LCLAT1: variants seen among roughly 807,000 people sequenced by gnomAD.
LCLAT1 encodes 1-AGP acyltransferase 8.
A neutral mutation model predicts 30.7 loss-of-function variants in LCLAT1; 11 were observed. The observed-to-expected ratio is 0.36, with a 90% CI of 0.23 to 0.59. The LOEUF (loss-of-function observed/expected upper bound fraction) is 0.59, where lower values mean the gene tolerates loss of function less well. Ranked by LOEUF, LCLAT1 falls within the 20% of genes least tolerant of loss-of-function variation. LCLAT1 has a pLI of 0.77. For missense variants in LCLAT1, 402 were observed against 458.6 expected (o/e 0.88, Z 1.13); for synonymous variants, 155 against 151.3 (o/e 1.02, Z -0.18).
intron 3 of LCLAT1, among the ~76,000 whole-genome samples, chr2:30,543,610 G>C (rs1378740398): frequency 6.6e-6 from 1 of 152,022 alleles, no homozygotes; most frequent in Non-Finnish European, 1.5e-5. Flanking sequence ...TTTTTGAGTT[G>C]ATATTGAATT....
intron 5 of LCLAT1, among the ~76,000 whole-genome samples, chr2:30,635,197 G>C (rs1668963607): frequency 6.6e-6 from 1 of 151,786 alleles, no homozygotes; most frequent in African/African-American, 2.4e-5. Flanking sequence ...TTCAAGACCA[G>C]TCTGAGTGAC....
intron 1 of LCLAT1, among the ~76,000 whole-genome samples, chr2:30,478,064 AGG>A: frequency 7.1e-6 from 1 of 141,570 alleles, no homozygotes. Flanking sequence ...AGTGTTAGTG[AGG>A]GATTAAAAAA....
intron 1 of LCLAT1, among the ~76,000 whole-genome samples, chr2:30,475,406 T>A (rs1682997785): frequency 6.6e-6 from 1 of 152,174 alleles, no homozygotes; most frequent in Non-Finnish European, 1.5e-5. Context: ...TAATCTGGTA[T>A]TATATGCTTT....
At chr2:30,532,131 T>G (rs1291394310) in intron 2 of LCLAT1, among the ~76,000 whole-genome samples, 1 of 152,198 alleles carries the variant, frequency 6.6e-6, no homozygotes, top group Non-Finnish European at 1.5e-5. Context: ...TGTATATATT[T>G]TTGTTTGTTT....
At chr2:30,636,502 A>C (rs550700463) in intron 5 of LCLAT1, among the ~76,000 whole-genome samples, 4 of 152,318 alleles carry the variant, frequency 2.6e-5, no homozygotes, top group African/African-American at 9.6e-5. Flanking sequence ...GATATTGAGT[A>C]ACTCAGCAAG....
chr2:30,593,879 C>T lies in LCLAT1; in HGVS notation c.628+25703C>T, dbSNP rs1171175003. 4.1e-5 allele frequency among the ~76,000 whole-genome samples: 6 copies of T among 147,662 alleles called. No individual in the cohort carries two copies. In the Admixed American group the frequency reaches 4.1e-4, roughly 10 times the overall value. On this transcript the variant is annotated intron_variant, in intron 5 of 5. Coordinates refer to ENST00000379509, the MANE Select transcript of LCLAT1 (RefSeq NM_001002257.3). Reference sequence around the variant, plus strand: ...TGGAGGCTGCAGTGAGCTGTGATTGCACCACTGCATTCCACCTCGAGCAAC... The same window carrying T: ...TGGAGGCTGCAGTGAGCTGTGATTGTACCACTGCATTCCACCTCGAGCAAC...
intron 1 of LCLAT1, among the ~76,000 whole-genome samples, chr2:30,465,216 C>G (rs1682359844): frequency 6.6e-6 from 1 of 152,078 alleles, no homozygotes; most frequent in South Asian, 2.1e-4. Context: ...GTATGTTTAT[C>G]AAAGTGAGGC....
chr2:30,530,788 C>T lies in LCLAT1; in HGVS notation c.166-2328C>T, dbSNP rs1325294082. On this transcript the variant is annotated intron_variant, in intron 2 of 5. Transcript: ENST00000379509. ...CAAACTCCTGGCTTCAAGCGATCTT[C>T]CTGCCTTAGCCTCCCAAAGTGCTGG... Among the ~76,000 whole-genome samples the T allele has an allele frequency of 2.6e-5, 4 of 152,270 alleles. No individual in the cohort carries two copies. The East Asian group carries it at 7.7e-4, about 29-fold the overall frequency.
intron 5 of LCLAT1, among the ~76,000 whole-genome samples, chr2:30,584,553 C>A (rs1447984679): frequency 6.6e-6 from 1 of 152,178 alleles, no homozygotes; most frequent in African/African-American, 2.4e-5. Context: ...TATGGCCACA[C>A]TCTGACAATA....
chr2:30,486,804 G>A (rs1683580316), intron 1 of LCLAT1, among the ~76,000 whole-genome samples: 1 of 152,170 alleles, frequency 6.6e-6, no homozygotes, highest in South Asian at 2.1e-4. Context: ...GAGCCACAGT[G>A]CAAGCAGCCT....
In LCLAT1 at chr2:30,560,777, G is replaced by A. The variant is rs578181861; in HGVS notation, c.365-1369G>A. ...AAGGAACTGCCAGCTGAAATAATAA[G>A]AGTTTATTATTCCTCTATTCCTGCA... On this transcript the variant is annotated intron_variant, in intron 3 of 5. Coordinates refer to ENST00000379509, the MANE Select transcript of LCLAT1 (RefSeq NM_001002257.3). Among the ~76,000 whole-genome samples the A allele has an allele frequency of 2.6e-4, 40 of 152,340 alleles. 1 individual carries two copies. The highest frequency in any genetic ancestry group is 9.4e-4 in the African/African-American group (39 of 41,588).
At chr2:30,531,907 G>A (rs560991510) in intron 2 of LCLAT1, among the ~76,000 whole-genome samples, 7 of 152,164 alleles carry the variant, frequency 4.6e-5, no homozygotes, top group East Asian at 1.9e-4. Context: ...AAAATTTTGC[G>A]TGTAACTGTC....
At chr2:30,522,393 G>T (rs1685520535) in intron 1 of LCLAT1, among the ~76,000 whole-genome samples, 1 of 151,618 alleles carries the variant, frequency 6.6e-6, no homozygotes. Flanking sequence ...TTTTTTTTTA[G>T]CTATTCCAAA....
intron 1 of LCLAT1, among the ~76,000 whole-genome samples, chr2:30,513,462 G>C (rs1054657476): frequency 2.0e-5 from 3 of 152,112 alleles, no homozygotes; most frequent in African/African-American, 7.2e-5. Context: ...GTGGTTTTGT[G>C]TGTACTTTAT....
At chr2:30,622,107 T>C (rs1049644031) in intron 5 of LCLAT1, among the ~76,000 whole-genome samples, 1 of 152,138 alleles carries the variant, frequency 6.6e-6, no homozygotes, top group Non-Finnish European at 1.5e-5. Context: ...GACCAGCCTT[T>C]CAGGCTGCAT....
At chr2:30,624,276 A>C (rs1668402729) in intron 5 of LCLAT1, among the ~76,000 whole-genome samples, 1 of 152,216 alleles carries the variant, frequency 6.6e-6, no homozygotes, top group Non-Finnish European at 1.5e-5. Flanking sequence ...CTCAGTACTA[A>C]CATTGAATGT....
chr2:30,564,856 A>G (rs10495777), intron 4 of LCLAT1, among the ~76,000 whole-genome samples: 37,432 of 152,052 alleles, frequency 0.25, 5,608 homozygotes, highest in East Asian at 0.52. Flanking sequence ...CTAACTTTAC[A>G]TATATTCTAT....
At chr2:30,546,210 G>C (rs1664402484) in intron 3 of LCLAT1, among the ~76,000 whole-genome samples, 1 of 152,152 alleles carries the variant, frequency 6.6e-6, no homozygotes, top group Non-Finnish European at 1.5e-5. Context: ...ATATGTAGAA[G>C]TTCCTGTAGT....
At chr2:30,516,707 C>G (rs761882427) in intron 1 of LCLAT1, among the ~76,000 whole-genome samples, 6 of 152,176 alleles carry the variant, frequency 3.9e-5, no homozygotes, top group Non-Finnish European at 8.8e-5. Flanking sequence ...CCACCAGTAA[C>G]ATCTGGTGGC....
Sources: gnomAD v4.1 joint callset for allele counts (sites outside exome capture counted in the v4.1 genomes callset) on GRCh38, gnomAD v4.1.1 for gene constraint, MANE v1.5 for transcripts, NCBI Gene and HGNC (gene_info 2026-07-23, HGNC 2026-07-21) for gene names.